The following SNURF variants were observed in gnomAD, a reference collection of about 807,000 sequenced individuals.
The protein encoded by SNURF is SNURF protein.
A neutral mutation model predicts 11.6 loss-of-function variants in SNURF; 6 were observed. The ratio of observed to expected loss-of-function variants is 0.52; its 90% CI spans 0.28 to 1.02. The LOEUF is 1.02. SNURF is among the 50% of genes least tolerant of loss of function. SNURF has a pLI of 0.09. For synonymous variants in SNURF, 29 were observed against 31.6 expected (o/e 0.92, Z 0.27); for missense variants, 84 against 88.4 (o/e 0.95, Z 0.20).
At chr15:24,970,427 A>C (rs1348994497), downstream of SNURF, among the ~76,000 whole-genome samples, 1 of 152,064 alleles carries the variant, frequency 6.6e-6, no homozygotes, top group Non-Finnish European at 1.5e-5. Flanking sequence ...AAAAATACAA[A>C]TATTAGCCGG....
downstream of SNURF, among the ~76,000 whole-genome samples, chr15:24,973,384 C>T (rs533140976): frequency 4.5e-4 from 69 of 152,164 alleles, 1 homozygote; most frequent in South Asian, 0.013. Context: ...GTCCCCATTA[C>T]GTGACTTATT....
intron 1 of SNURF, among the ~76,000 whole-genome samples, chr15:24,956,445 G>A (rs751929170): frequency 6.6e-6 from 1 of 151,986 alleles, no homozygotes; most frequent in Non-Finnish European, 1.5e-5. Context: ...AGTTTCAGCC[G>A]TACCCTCTTT....
downstream of SNURF, among the ~76,000 whole-genome samples, chr15:24,972,647 G>A (rs1454094346): frequency 6.7e-6 from 1 of 149,990 alleles, no homozygotes; most frequent in African/African-American, 2.5e-5. Flanking sequence ...CTTTTCAAAA[G>A]TAATTTGTGT....
chr15:24,974,535 C>A lies in SNURF; in HGVS notation c.*46-823C>A, dbSNP rs1466136537. The A allele has an allele frequency of 3.8e-5, 51 of 1,348,180 alleles. No homozygotes were observed. In the East Asian group the frequency reaches 1.1e-3, roughly 30 times the overall value. The allele number at this position is 1,348,180 out of a possible 1,614,324, so 83.5% of individuals were successfully genotyped here. A position where few individuals can be genotyped will look rare whatever the true frequency, so the allele number is the denominator to read the frequency against. ...ATAGTTTGCCAGCATGTGCAGTGAT[C>A]TTGGGTTCTGAATGTTAGAAATAAG... On this transcript the variant is annotated intron_variant and NMD_transcript_variant, in intron 3 of 6. Coordinates refer to the SNURF transcript ENST00000580062.
At chr15:24,973,351 A>G (rs1438438982), downstream of SNURF, among the ~76,000 whole-genome samples, 1 of 152,130 alleles carries the variant, frequency 6.6e-6, no homozygotes, top group Non-Finnish European at 1.5e-5. Context: ...TGATGAAATC[A>G]CCAAATGCAT....
At chr15:24,963,004 T>C (rs1242673183) in intron 2 of SNURF, among the ~76,000 whole-genome samples, 1 of 108,690 alleles carries the variant, frequency 9.2e-6, no homozygotes, top group Non-Finnish European at 1.8e-5. Flanking sequence ...AACTACCAAC[T>C]TAACTGGCCT....
intron 3 of SNURF, chr15:24,974,242 T>C (rs915034011): frequency 3.4e-6 from 2 of 584,166 alleles, no homozygotes; most frequent in Non-Finnish European, 6.2e-6. Flanking sequence ...GTGATTTTCA[T>C]GCAAAATTGT....
chr15:24,975,346 T>TA (rs1566975458), intron 3 of SNURF: 1 of 1,610,354 alleles, frequency 6.2e-7, no homozygotes, highest in Admixed American at 1.7e-5. Context: ...ACTCTTGTCT[T>TA]ACTGCTTCTA....
chr15:24,955,676 CAGT>C (rs1406557860), intron 1 of SNURF, among the ~76,000 whole-genome samples: 1 of 67,796 alleles, frequency 1.5e-5, no homozygotes, highest in East Asian at 3.3e-4. Context: ...GTCGGTGTGA[CAGT>C]GGTGGGGGTT....
downstream of SNURF, chr15:24,978,116 T>C (rs2153720614): frequency 6.9e-7 from 1 of 1,456,738 alleles, no homozygotes; most frequent in Non-Finnish European, 9.5e-7. Context: ...CCCATTTCTT[T>C]AGGGATTATT....
downstream of SNURF, among the ~76,000 whole-genome samples, chr15:24,971,708 A>G (rs529707104): frequency 6.6e-6 from 1 of 152,262 alleles, no homozygotes; most frequent in East Asian, 1.9e-4. Context: ...ATTTTTCACA[A>G]AAAAATTCCA....
At chr15:24,971,618 A>G (rs543709518), downstream of SNURF, among the ~76,000 whole-genome samples, 22 of 152,222 alleles carry the variant, frequency 1.4e-4, no homozygotes, top group South Asian at 4.3e-3. Flanking sequence ...TCACATCCCT[A>G]GATGTGTTTC....
downstream of SNURF, chr15:24,978,399 C>T (rs932498061): frequency 1.2e-6 from 2 of 1,614,056 alleles, no homozygotes; most frequent in African/African-American, 1.3e-5. Context: ...TTTCTATTTC[C>T]TTTCCAGGTC....
intron 2 of SNURF, among the ~76,000 whole-genome samples, chr15:24,965,742 T>C (rs925870138): frequency 2.6e-5 from 4 of 152,186 alleles, no homozygotes; most frequent in Non-Finnish European, 4.4e-5. Flanking sequence ...TATTCTGCAC[T>C]CTATGAATTA....
intron 2 of SNURF, among the ~76,000 whole-genome samples, chr15:24,964,986 G>A (rs955074396): frequency 1.3e-5 from 2 of 152,188 alleles, no homozygotes; most frequent in African/African-American, 4.8e-5. Flanking sequence ...TGAGTAAAGT[G>A]TAGAGTTAGG....
At chr15:24,957,888 C>G (rs2063184498) in intron 1 of SNURF, among the ~76,000 whole-genome samples, 2 of 152,072 alleles carry the variant, frequency 1.3e-5, no homozygotes, top group South Asian at 4.1e-4. Context: ...TATGGCAGAT[C>G]CCTTTGGAAA....
downstream of SNURF, among the ~76,000 whole-genome samples, chr15:24,969,804 T>A (rs1250638237): frequency 6.6e-6 from 1 of 152,196 alleles, no homozygotes; most frequent in Non-Finnish European, 1.5e-5. Context: ...GAAGAAGGGT[T>A]GGTAATATAT....
chr15:24,969,019 A>G (rs2076056826), downstream of SNURF, among the ~76,000 whole-genome samples: 1 of 152,280 alleles, frequency 6.6e-6, no homozygotes, highest in African/African-American at 2.4e-5. Context: ...GCAGAGAGGA[A>G]TTGGGTTTAC....
chr15:24,967,808 G>GAAAAAAA, intron 2 of SNURF, 124 bp from the exon 3 acceptor site: 1 of 491,522 alleles, frequency 2.0e-6, no homozygotes, highest in South Asian at 2.0e-5. Context: ...ACCCTGTCTG[G>GAAAAAAA]AAAAAAAAAA....
Sources: gnomAD v4.1 joint callset for allele counts (sites outside exome capture counted in the v4.1 genomes callset) on GRCh38, gnomAD v4.1.1 for gene constraint, MANE v1.5 for transcripts, NCBI Gene and HGNC (gene_info 2026-07-23, HGNC 2026-07-21) for gene names.